The following MACF1 variants were observed in gnomAD, a reference collection of about 807,000 sequenced individuals.
MACF1 encodes microtubule-actin cross-linking factor 1.
In MACF1, 193 loss-of-function variants were observed where a neutral mutation model predicts 854.8. That is an observed-to-expected ratio of 0.23 (90% confidence interval 0.20 to 0.25). The LOEUF is 0.25. Among genes scored for constraint, MACF1 ranks in the 10% least tolerant of loss-of-function variants. The pLI is 1.00. For missense variants in MACF1, 7,722 were observed against 8,929.1 expected (o/e 0.86, Z 5.45); for synonymous variants, 3,185 against 3,226.7 (o/e 0.99, Z 0.44).
chr1:39,166,520 G>A (rs1378595580), intron 2 of MACF1, among the ~76,000 whole-genome samples: 2 of 150,724 alleles, frequency 1.3e-5, no homozygotes, highest in African/African-American at 4.9e-5. Flanking sequence ...GCAGTGGTGC[G>A]ATCTTGGCTC....
chr1:39,413,174 C>T (rs1643106719), intron 58 of MACF1: 2 of 1,613,452 alleles, frequency 1.2e-6, no homozygotes, highest in African/African-American at 2.7e-5. Context: ...GAGGATGGTA[C>T]ACCAGAAGGG....
intron 2 of MACF1, among the ~76,000 whole-genome samples, chr1:39,089,235 T>C (rs893212582): frequency 5.9e-5 from 9 of 152,070 alleles, no homozygotes; most frequent in Non-Finnish European, 1.3e-4. Context: ...AAAAAATAAT[T>C]ATATCCCCGT....
chr1:39,444,947 T>C (rs1644194323), intron 80 of MACF1, 112 bp downstream of exon 80: 1 of 927,808 alleles, frequency 1.1e-6, no homozygotes, highest in Non-Finnish European at 1.6e-6. Flanking sequence ...GTAACAGAAG[T>C]TGCAGAACTG....
chr1:39,374,027 A>G (rs1340133434), intron 52 of MACF1, among the ~76,000 whole-genome samples: 1 of 151,796 alleles, frequency 6.6e-6, no homozygotes, highest in East Asian at 1.9e-4. Context: ...GGAACACTTG[A>G]GGCCAGGAGT....
intron 23 of MACF1, among the ~76,000 whole-genome samples, chr1:39,303,699 A>AAAAAAAAAAAAAAATTT (rs1646101272): frequency 7.9e-6 from 1 of 127,244 alleles, no homozygotes; most frequent in African/African-American, 3.9e-5. Flanking sequence ...TAAAAATACA[A>AAAAAAAAAAAAAAATTT]AAAAAAAAAA....
chr1:39,118,378 G>A (rs938293452), intron 2 of MACF1, among the ~76,000 whole-genome samples: 1 of 152,212 alleles, frequency 6.6e-6, no homozygotes, highest in African/African-American at 2.4e-5. Context: ...GGAAAACAGG[G>A]ACCAGAGTAG....
At chr1:39,326,419 G>A (rs1402830934) in intron 35 of MACF1, among the ~76,000 whole-genome samples, 1 of 152,130 alleles carries the variant, frequency 6.6e-6, no homozygotes, top group Non-Finnish European at 1.5e-5. Context: ...GGTGGCTCAC[G>A]CCTATAATCC....
At chr1:39,331,176 T>G in intron 36 of MACF1, 27 bp from the exon 37 acceptor site, 1 of 88,594 alleles carries the variant, frequency 1.1e-5, no homozygotes, top group East Asian at 5.2e-4. Context: ...CTTTTCCTTT[T>G]TTTTTTTTTT....
intron 23 of MACF1, among the ~76,000 whole-genome samples, chr1:39,305,821 C>G (rs904949631): frequency 2.6e-5 from 4 of 152,168 alleles, no homozygotes; most frequent in Non-Finnish European, 5.9e-5. Context: ...TTTGGACTTC[C>G]TGCTTGCCTC....
intron 2 of MACF1, among the ~76,000 whole-genome samples, chr1:39,119,333 A>C (rs1248157203): frequency 6.6e-6 from 1 of 151,760 alleles, no homozygotes; most frequent in Non-Finnish European, 1.5e-5. Flanking sequence ...AAAAAAAAAA[A>C]AAAAACAACC....
At position 39,412,735 on chromosome 1, in the gene MACF1, T is replaced by G. The variant is rs534140436; in HGVS notation, c.15817-9639T>G. On this transcript the variant is annotated intron_variant, in intron 58 of 100. Coordinates refer to ENST00000564288, the MANE Select transcript of MACF1 (RefSeq NM_001394062.1). Reference sequence around the variant, plus strand: ...CAAGGCTGGTAATACTGAACCAGTTTTAGAGGAATGGATACCCGTCCTCCA... The same window carrying G: ...CAAGGCTGGTAATACTGAACCAGTTGTAGAGGAATGGATACCCGTCCTCCA... The G allele has an allele frequency of 2.3e-5, 37 of 1,613,788 alleles. No individual in the cohort carries two copies. In the South Asian group the frequency reaches 3.8e-4, roughly 17 times the overall value.
chr1:39,452,110 T>C, intron 85 of MACF1, 46 bp from the exon 86 acceptor site: 1 of 1,490,080 alleles, frequency 6.7e-7, no homozygotes, highest in Non-Finnish European at 9.1e-7. Flanking sequence ...TTTCTTGGAC[T>C]CAAAACATTC....
At chr1:39,446,335 AG>A (rs1250883444) in intron 80 of MACF1, among the ~76,000 whole-genome samples, 1 of 151,744 alleles carries the variant, frequency 6.6e-6, no homozygotes, top group East Asian at 1.9e-4. Flanking sequence ...AAATATATAA[AG>A]AATATGTGGA....
At chr1:39,410,955 T>G (rs760794295) in intron 58 of MACF1, 178 of 1,613,878 alleles carry the variant, frequency 1.1e-4, no homozygotes, top group Non-Finnish European at 1.3e-4. Context: ...ACCCTCCTCA[T>G]GAATTCCAGC....
At chr1:39,304,566 T>A in intron 23 of MACF1, 7 of 359,204 alleles carry the variant, frequency 1.9e-5, no homozygotes, top group Non-Finnish European at 3.2e-5. Context: ...CTTTTCTTTC[T>A]TTTTTTTTTT....
intron 31 of MACF1, among the ~76,000 whole-genome samples, chr1:39,322,367 A>G (rs1438656626): frequency 6.6e-6 from 1 of 152,258 alleles, no homozygotes. Context: ...GTTCATAAAT[A>G]AAGTTTTATT....
At position 39,432,766 on chromosome 1, in the gene MACF1, T is replaced by C. The variant is rs1570056679; in HGVS notation, c.17457+112T>C. 5.0e-6 allele frequency: 6 copies of C among 1,197,832 alleles called. No individual in the cohort carries two copies. In the South Asian group the frequency reaches 7.7e-5, roughly 15 times the overall value. The allele number at this position is 1,197,832 out of a possible 1,614,324, so 74.2% of individuals were successfully genotyped here. On this transcript the variant is annotated intron_variant, in intron 67 of 100. Coordinates refer to ENST00000564288, the MANE Select transcript of MACF1 (RefSeq NM_001394062.1). ...AATAATTTAGTGGCATGATGGTAAA[T>C]AGAAATTAATTTTCTATGTATTTGG...
At chr1:39,207,860 G>A (rs1043143673) in intron 1 of MACF1, among the ~76,000 whole-genome samples, 5 of 151,986 alleles carry the variant, frequency 3.3e-5, no homozygotes, top group East Asian at 1.9e-4. Flanking sequence ...CTGGCTGGGC[G>A]TGGTGGCTCA....
At chr1:39,324,570 A>G in intron 34 of MACF1, 76 bp from the exon 35 acceptor site, 1 of 1,298,014 alleles carries the variant, frequency 7.7e-7, no homozygotes, top group Non-Finnish European at 1.1e-6. Flanking sequence ...CTAGGATTTA[A>G]AAAAATAATT....
Sources: gnomAD v4.1 joint callset for allele counts (sites outside exome capture counted in the v4.1 genomes callset) on GRCh38, gnomAD v4.1.1 for gene constraint, MANE v1.5 for transcripts, NCBI Gene and HGNC (gene_info 2026-07-23, HGNC 2026-07-21) for gene names.